CARD14: variants seen among roughly 807,000 people sequenced by gnomAD.
CARD14 encodes the protein caspase recruitment domain-containing protein 14.
A neutral mutation model predicts 111.5 loss-of-function variants in CARD14; 107 were observed. That is an observed-to-expected ratio of 0.96 (90% confidence interval 0.82 to 1.13). The LOEUF (loss-of-function observed/expected upper bound fraction) is 1.13, where lower values mean the gene tolerates loss of function less well. Ranked by LOEUF, CARD14 falls within the 50% of genes most tolerant of loss-of-function variation. The pLI is 0.00. For missense variants in CARD14, 1,322 were observed against 1,362.3 expected (o/e 0.97, Z 0.47); for synonymous variants, 617 against 579.6 (o/e 1.06, Z -0.93).
intron 12 of CARD14, among the ~76,000 whole-genome samples, chr17:80,194,091 G>T (rs1350841959): frequency 6.6e-6 from 1 of 151,996 alleles, no homozygotes; most frequent in South Asian, 2.1e-4. Flanking sequence ...CTACTTCATG[G>T]GCTCTCTGCG....
Position 80,188,597 on chromosome 17 carries a change from C to T in CARD14, c.843+53C>T, listed in dbSNP as rs961495025. ...CGGCCTCCTGCCTTGGGGGCTTGGC[C>T]CTCAGGCTGTGGGGTTTCTGACAGG... On this transcript the variant is annotated intron_variant, in intron 8 of 23. Coordinates refer to ENST00000648509, the MANE Select transcript of CARD14 (RefSeq NM_001366385.1). The surrounding 1 kb of genome is among the most constrained non-coding windows in gnomAD (Gnocchi z 4.5). The T allele has an allele frequency of 1.4e-6, 2 of 1,399,358 alleles. No homozygotes were observed. Among genetic ancestry groups the T allele is most frequent in the African/African-American group, 3.0e-5 (2 of 67,506 alleles). 86.7% of individuals were successfully genotyped at this position (1,399,358 alleles called of 1,614,324 possible).
chr17:80,190,956 C>T, intron 10 of CARD14, 57 bp downstream of exon 10: 1 of 1,589,714 alleles, frequency 6.3e-7, no homozygotes, highest in Admixed American at 1.7e-5. Context: ...CAGGTGAGGG[C>T]TGGTTCCGGG....
intron 4 of CARD14, among the ~76,000 whole-genome samples, chr17:80,180,561 T>C (rs6565642): frequency 0.19 from 29,542 of 152,132 alleles, 3,010 homozygotes; most frequent in East Asian, 0.26. Context: ...TGCTGCGTAG[T>C]TGAAAACAAT....
chr17:80,202,726 G>A, intron 18 of CARD14: 1 of 713,142 alleles, frequency 1.4e-6, no homozygotes, highest in Non-Finnish European at 2.0e-6. Flanking sequence ...GCCGTCCTGG[G>A]CACTGCAGGA....
At chr17:80,173,902 A>T (rs1347903017) in intron 2 of CARD14, among the ~76,000 whole-genome samples, 3 of 152,074 alleles carry the variant, frequency 2.0e-5, no homozygotes, top group Admixed American at 6.6e-5. Flanking sequence ...CAGCCAAAAA[A>T]TATTTTTTAA....
Position 80,188,711 on chromosome 17 carries a change from T to G in CARD14, c.843+167T>G, listed in dbSNP as rs1398120621. The G allele has an allele frequency of 3.2e-6, 2 of 622,094 alleles. No homozygotes were observed. The highest frequency in any genetic ancestry group is 3.8e-5 in the African/African-American group (2 of 52,414). 38.5% of individuals were successfully genotyped at this position (622,094 alleles called of 1,614,324 possible). A position where few individuals can be genotyped will look rare whatever the true frequency, so the allele number is the denominator to read the frequency against. ...CTCTTTACCTCCTTCCTTCCTGCTG[T>G]TCCCCAGACCCCAAAATTGGCAGAA... On this transcript the variant is annotated intron_variant, in intron 8 of 23. Transcript: ENST00000648509. This position sits in a 1 kb window ranked among gnomAD's most constrained non-coding sequence, Gnocchi z 4.5.
At chr17:80,181,089 T>TAA (rs60307812) in intron 4 of CARD14, among the ~76,000 whole-genome samples, 21 of 141,486 alleles carry the variant, frequency 1.5e-4, no homozygotes, top group African/African-American at 4.1e-4. Flanking sequence ...GATGAATTTC[T>TAA]AAAAAAAAAA....
Position 80,203,984 on chromosome 17 carries a change from G to A in CARD14, c.2283+99G>A. The A allele has an allele frequency of 9.8e-7, 1 of 1,023,732 alleles. No individual in the cohort carries two copies. The highest frequency in any genetic ancestry group is 1.4e-6 in the Non-Finnish European group (1 of 691,234). 63.4% of individuals were successfully genotyped at this position (1,023,732 alleles called of 1,614,324 possible). ...GGAGGCACTGTGTGGAGAGTGGGCT[G>A]CTGATTGGAGGGTAACCCCACCTGT... is the stretch of plus-strand genomic sequence containing the variant. On this transcript the variant is annotated intron_variant, in intron 19 of 23. Coordinates refer to ENST00000648509, the MANE Select transcript of CARD14 (RefSeq NM_001366385.1). This position sits in a 1 kb window ranked among gnomAD's most constrained non-coding sequence, Gnocchi z 4.6.
Position 80,208,714 on chromosome 17 carries a change from G to A in CARD14, c.*369G>A, listed in dbSNP as rs1395246253. Reference sequence around the variant, plus strand: ...GTCTGCAGGCCCGATTCAAATCTATGGGGGCTGCACTTCCCTTTTACATTT... The same window carrying A: ...GTCTGCAGGCCCGATTCAAATCTATAGGGGCTGCACTTCCCTTTTACATTT... On this transcript the variant is annotated 3_prime_UTR_variant, in exon 24 of 24. Transcript: ENST00000648509. The A allele has an allele frequency of 4.9e-6, 1 of 202,310 alleles. No individual in the cohort carries two copies. Among genetic ancestry groups the A allele is most frequent in the African/African-American group, 2.3e-5 (1 of 43,366 alleles). The allele number at this position is 202,310 out of a possible 1,614,324, so 12.5% of individuals were successfully genotyped here.
intron 12 of CARD14, among the ~76,000 whole-genome samples, chr17:80,192,898 C>T (rs1186358799): frequency 6.6e-6 from 1 of 152,144 alleles, no homozygotes; most frequent in African/African-American, 2.4e-5. Flanking sequence ...ATTACAGACA[C>T]CTGCCACCAT....
At chr17:80,190,985 T>C (rs1598655635) in intron 10 of CARD14, 86 bp downstream of exon 10, 2 of 1,521,016 alleles carry the variant, frequency 1.3e-6, no homozygotes, top group Non-Finnish European at 1.8e-6. Flanking sequence ...CGTGGCTCCC[T>C]GCCCTTGATG....
rs763075002 is a variant in CARD14 at position 80,184,052 on chromosome 17, C to T, written c.489C>T (p.Ala163=). Reference sequence around the variant, plus strand: ...AGCTGCAGGAGCACCTGGGCCTGGCCGAGACCCGTGCCGAGGGCCTGCACC... The same window carrying T: ...AGCTGCAGGAGCACCTGGGCCTGGCTGAGACCCGTGCCGAGGGCCTGCACC... ...CQQLQEHLGL[A]ETRAEGLHQL... Residue 163 remains alanine (A), a synonymous_variant, in exon 7 of 24, where the codon GCC becomes GCT. Coordinates refer to ENST00000648509, the MANE Select transcript of CARD14 (RefSeq NM_001366385.1). 3.5e-5 allele frequency: 56 copies of T among 1,587,148 alleles called. No individual in the cohort carries two copies. The highest frequency in any genetic ancestry group is 4.6e-5 in the Non-Finnish European group (54 of 1,167,436).
At chr17:80,176,785 C>T (rs2040035625) in intron 2 of CARD14, among the ~76,000 whole-genome samples, 1 of 152,182 alleles carries the variant, frequency 6.6e-6, no homozygotes, top group Admixed American at 6.5e-5. Context: ...TATAGCTGGT[C>T]CTGAAGTGGG....
In CARD14 at chr17:80,182,801, C is replaced by T. The variant is rs538754535; in HGVS notation, c.349+11C>T. The T allele has an allele frequency of 1.5e-5, 24 of 1,613,886 alleles. No individual in the cohort carries two copies. The highest frequency in any genetic ancestry group is 5.0e-5 in the Admixed American group (3 of 59,996). ...TCAGTAACTTTAGCGGTGAGAGCTCCGACTTTGACGGTTTGGCAGGCACTT... is the reference window on the plus strand; with the variant it reads ...TCAGTAACTTTAGCGGTGAGAGCTCTGACTTTGACGGTTTGGCAGGCACTT... On this transcript the variant is annotated intron_variant, in intron 6 of 23. Coordinates refer to ENST00000648509, the MANE Select transcript of CARD14 (RefSeq NM_001366385.1). This position sits in a 1 kb window ranked among gnomAD's most constrained non-coding sequence, Gnocchi z 4.7.
At chr17:80,206,867 G>A (rs1001798222) in intron 22 of CARD14, 103 bp from the exon 23 acceptor site, 1 of 660,790 alleles carries the variant, frequency 1.5e-6, no homozygotes, top group Non-Finnish European at 2.6e-6. Flanking sequence ...CTCCTGCCCT[G>A]CCCTCAGCCT....
At chr17:80,197,978 C>T (rs936293196) in intron 14 of CARD14, 121 bp from the exon 15 acceptor site, 14 of 891,658 alleles carry the variant, frequency 1.6e-5, no homozygotes, top group Admixed American at 3.5e-5. Flanking sequence ...GGTTACAGGA[C>T]GCCCCATCAG....
In CARD14 at chr17:80,192,610, C is replaced by T. The variant is rs753686862; in HGVS notation, c.1347C>T (p.Ser449=). ...PRDDSDCSLV[S]STESQLLSDL... ...ACGACAGCGACTGCAGCCTCGTCAG[C>T]TCCACAGAGGTACGGCCGCTCCTCC... Residue 449 remains serine (S), a synonymous_variant, in exon 12 of 24, where the codon AGC becomes AGT. Transcript: ENST00000648509. 13 of 1,612,142 alleles carry T rather than the reference C, an allele frequency of 8.1e-6. No individual in the cohort carries two copies. The highest frequency in any genetic ancestry group is 4.4e-5 in the South Asian group (4 of 90,980).
chr17:80,204,283 G>T lies in CARD14; in HGVS notation c.2340G>T (p.Lys780Asn). The T allele has an allele frequency of 6.2e-7, 1 of 1,601,738 alleles. No individual in the cohort carries two copies. The highest frequency in any genetic ancestry group is 8.5e-7 in the Non-Finnish European group (1 of 1,170,976). The change falls in exon 20 of 24, where the codon AAG (lysine) becomes AAT (asparagine). Residue 780 changes from lysine to asparagine, a missense_variant. Transcript: ENST00000648509. ...LVRIVSMDKA[K>N]ASPLRLSFDR... ...GCATCGTCAGTATGGACAAAGCCAA[G>T]GCCAGCCCTCTGCGTTTGTCCTTTG...
chr17:80,175,564 G>A (rs753907203), intron 2 of CARD14, among the ~76,000 whole-genome samples: 3 of 152,118 alleles, frequency 2.0e-5, no homozygotes, highest in East Asian at 3.9e-4. Flanking sequence ...GGGTCACAGG[G>A]TCAGCTGAGG....
Sources: allele counts gnomAD v4.1 joint callset (sites outside exome capture counted in the v4.1 genomes callset), GRCh38; gene constraint gnomAD v4.1.1; non-coding constraint Gnocchi (gnomAD v3.1); transcripts MANE v1.5; gene names NCBI Gene and HGNC (gene_info 2026-07-23, HGNC 2026-07-21).